IFT80: variants seen among roughly 807,000 people sequenced by gnomAD.
The protein encoded by IFT80 is intraflagellar transport protein 80 homolog.
Under a neutral mutation model 107.9 loss-of-function variants are expected in IFT80, and 79 were observed. That is an observed-to-expected ratio of 0.73 (90% CI 0.61 to 0.88). The LOEUF is 0.88. Ranked by LOEUF, IFT80 falls within the 40% of genes least tolerant of loss-of-function variation. The pLI, the probability that IFT80 is intolerant of heterozygous loss-of-function variation, is 0.00. For synonymous variants in IFT80, 299 were observed against 300.9 expected (o/e 0.99, Z 0.07); for missense variants, 797 against 914.2 (o/e 0.87, Z 1.65).
At chr3:160,303,885 C>T (rs1716625981) in intron 11 of IFT80, 30 bp downstream of exon 11, 1 of 1,404,582 alleles carries the variant, frequency 7.1e-7, no homozygotes, top group Non-Finnish European at 1.0e-6. Flanking sequence ...ATTTTAACCC[C>T]AGATCCAGTA....
chr3:160,260,173 T>C (rs1712702353), intron 19 of IFT80, among the ~76,000 whole-genome samples: 1 of 152,204 alleles, frequency 6.6e-6, no homozygotes, highest in Non-Finnish European at 1.5e-5. Flanking sequence ...TTATGTATAA[T>C]ACATAAAATA....
intron 9 of IFT80, among the ~76,000 whole-genome samples, chr3:160,310,237 C>T (rs776260879): frequency 2.7e-4 from 41 of 152,200 alleles, no homozygotes; most frequent in Middle Eastern, 3.4e-3. Flanking sequence ...CAGAAAGCAA[C>T]GAAGCTATTG....
chr3:160,360,285 G>A (rs916748264), intron 6 of IFT80, among the ~76,000 whole-genome samples: 2 of 152,164 alleles, frequency 1.3e-5, no homozygotes, highest in East Asian at 1.9e-4. Context: ...ATGAAATAAA[G>A]TGAGAAGAGA....
At chr3:160,326,377 G>T (rs894542652) in intron 8 of IFT80, among the ~76,000 whole-genome samples, 6 of 151,972 alleles carry the variant, frequency 3.9e-5, no homozygotes, top group African/African-American at 7.2e-5. Context: ...AACAAAAAAA[G>T]AAAACTTCAG....
At chr3:160,332,548 T>C (rs953111453) in intron 8 of IFT80, among the ~76,000 whole-genome samples, 2 of 152,182 alleles carry the variant, frequency 1.3e-5, no homozygotes, top group African/African-American at 4.8e-5. Context: ...GGGCCTTATC[T>C]ATCTAGAAGA....
intron 18 of IFT80, among the ~76,000 whole-genome samples, chr3:160,270,801 G>A (rs1251701535): frequency 6.6e-6 from 1 of 152,056 alleles, no homozygotes; most frequent in East Asian, 1.9e-4. Flanking sequence ...AGACTGATGA[G>A]CTACTTTTTT....
chr3:160,339,647 C>T (rs926039859), intron 8 of IFT80, among the ~76,000 whole-genome samples: 2 of 151,930 alleles, frequency 1.3e-5, no homozygotes, highest in African/African-American at 4.8e-5. Flanking sequence ...TTTTTGGCTT[C>T]GTTTGATACA....
At chr3:160,390,160 G>A (rs1713258710) in intron 1 of IFT80, among the ~76,000 whole-genome samples, 1 of 152,122 alleles carries the variant, frequency 6.6e-6, no homozygotes, top group Non-Finnish European at 1.5e-5. Context: ...GCTCATGCCT[G>A]TAATCCCAGC....
chr3:160,332,045 G>A (rs902689783), intron 8 of IFT80, among the ~76,000 whole-genome samples: 17 of 152,136 alleles, frequency 1.1e-4, no homozygotes, highest in African/African-American at 4.1e-4. Context: ...GCATTCTCAT[G>A]GTGTTATTTA....
intron 6 of IFT80, among the ~76,000 whole-genome samples, chr3:160,358,176 T>A (rs1057359859): frequency 1.4e-5 from 2 of 147,946 alleles, no homozygotes; most frequent in Non-Finnish European, 3.0e-5. Flanking sequence ...CCCAGCTACT[T>A]TTTTTTTTTT....
In IFT80 at chr3:160,303,901, A is replaced by T; in HGVS notation, c.1151+14T>A. On this transcript the variant is annotated intron_variant, in intron 11 of 19. Coordinates refer to ENST00000326448, the MANE Select transcript of IFT80 (RefSeq NM_020800.3). Reference sequence around the variant, plus strand: ...TTTTAACCCCAGATCCAGTAGTTAAACATAATAAATTACCTTTCTGCCTGC... The same window carrying T: ...TTTTAACCCCAGATCCAGTAGTTAATCATAATAAATTACCTTTCTGCCTGC... 2 of 1,539,680 alleles carry T rather than the reference A, an allele frequency of 1.3e-6. No individual in the cohort carries two copies. The highest frequency in any genetic ancestry group is 1.8e-6 in the Non-Finnish European group (2 of 1,112,516).
intron 11 of IFT80, 46 bp downstream of exon 11, chr3:160,303,869 C>T (rs373304046): frequency 4.2e-6 from 5 of 1,191,518 alleles, no homozygotes; most frequent in East Asian, 4.7e-5. Context: ...TGCTTTAATG[C>T]TATTTATTTT....
chr3:160,354,956 T>C (rs1334805614), intron 8 of IFT80, among the ~76,000 whole-genome samples: 1 of 152,192 alleles, frequency 6.6e-6, no homozygotes, highest in Non-Finnish European at 1.5e-5. Context: ...GCTCTAAAAA[T>C]TCTGTCTTAT....
intron 14 of IFT80, 102 bp from the exon 15 acceptor site, chr3:160,280,916 G>A: frequency 1.0e-6 from 1 of 1,001,036 alleles, no homozygotes; most frequent in Non-Finnish European, 1.5e-6. Context: ...ACAATTTCTG[G>A]TAGATATGAC....
rs566609622 is a variant in IFT80 at position 160,347,127 on chromosome 3, C to T, written c.777+8886G>A. On this transcript the variant is annotated intron_variant, in intron 8 of 19. Transcript: ENST00000326448. ...GACACTGTCCATATTGTGTACCCTGCCCCACCCCCACTGCACCACCCAATA... is the reference window on the plus strand; with the variant it reads ...GACACTGTCCATATTGTGTACCCTGTCCCACCCCCACTGCACCACCCAATA... Among the ~76,000 whole-genome samples the T allele has an allele frequency of 2.3e-4, 35 of 152,204 alleles. No individual in the cohort carries two copies. The East Asian group carries it at 6.8e-3, about 29-fold the overall frequency.
chr3:160,329,687 A>G (rs1718943472), intron 8 of IFT80, among the ~76,000 whole-genome samples: 1 of 152,186 alleles, frequency 6.6e-6, no homozygotes, highest in South Asian at 2.1e-4. Flanking sequence ...CTCTTTGTCC[A>G]ATCATACTTT....
chr3:160,273,222 A>T (rs7616244), intron 18 of IFT80, among the ~76,000 whole-genome samples: 1 of 152,240 alleles, frequency 6.6e-6, no homozygotes. Flanking sequence ...GAATATTTGC[A>T]GTCCTTTCTT....
intron 5 of IFT80, among the ~76,000 whole-genome samples, chr3:160,374,205 G>A (rs1041218268): frequency 1.3e-5 from 2 of 151,892 alleles, no homozygotes; most frequent in African/African-American, 4.8e-5. Context: ...CAACACTTTG[G>A]GAGGCTAAAG....
intron 1 of IFT80, among the ~76,000 whole-genome samples, chr3:160,385,543 T>C (rs188717597): frequency 2.0e-5 from 3 of 152,344 alleles, no homozygotes; most frequent in African/African-American, 7.2e-5. Flanking sequence ...TCTTAGATAA[T>C]TTCTCATTCT....
Sources: allele counts gnomAD v4.1 joint callset (sites outside exome capture counted in the v4.1 genomes callset), GRCh38; gene constraint gnomAD v4.1.1; transcripts MANE v1.5; gene names NCBI Gene and HGNC (gene_info 2026-07-23, HGNC 2026-07-21).